DNAH14: variants seen among roughly 807,000 people sequenced by gnomAD.
DNAH14 encodes the protein dynein axonemal heavy chain 14.
Under a neutral mutation model 520.9 loss-of-function variants are expected in DNAH14, and 478 were observed. The ratio of observed to expected loss-of-function variants is 0.92; its 90% CI spans 0.85 to 0.99. The LOEUF (loss-of-function observed/expected upper bound fraction) is 0.99. Ranked by LOEUF, DNAH14 falls within the 50% of genes least tolerant of loss-of-function variation. DNAH14 has a pLI of 0.00. For synonymous variants in DNAH14, 1,581 were observed against 1,757.2 expected (o/e 0.90, Z 2.51); for missense variants, 4,831 against 5,234.5 (o/e 0.92, Z 2.38).
In DNAH14 at chr1:224,953,129, C is replaced by CTTTTTTTT. The variant is rs56337123; in HGVS notation, c.77+354_77+361dup. Reference sequence around the variant, plus strand: ...TAGGTACATTAGATACATAGAAATACTTTTTTTTTTTGAAACAGAGTCTCA... The same window carrying CTTTTTTTT: ...TAGGTACATTAGATACATAGAAATACTTTTTTTTTTTTTTTTTTTGAAACAGAGTCTCA... On this transcript the variant is annotated intron_variant, in intron 2 of 85. Transcript: ENST00000682510. The CTTTTTTTT allele has an allele frequency of 8.4e-4, 127 of 151,476 alleles. 1 individual carries two copies. Among genetic ancestry groups the CTTTTTTTT allele is most frequent in the African/African-American group, 2.9e-3 (111 of 38,626 alleles). The allele number at this position is 151,476 out of a possible 1,614,324, so 9.4% of individuals were successfully genotyped here. A position where few individuals can be genotyped will look rare whatever the true frequency, so the allele number is the denominator to read the frequency against.
intron 36 of DNAH14, among the ~76,000 whole-genome samples, chr1:225,183,684 C>CAA (rs35980443): frequency 5.2e-5 from 5 of 96,092 alleles, no homozygotes; most frequent in South Asian, 3.0e-4. Context: ...GGTAGATTAA[C>CAA]AAAAAAAAAA....
At chr1:225,134,473 A>G (rs751782797) in intron 27 of DNAH14, among the ~76,000 whole-genome samples, 1 of 152,112 alleles carries the variant, frequency 6.6e-6, no homozygotes, top group African/African-American at 2.4e-5. Flanking sequence ...TTCTGTATCT[A>G]TTGAGATAAC....
At chr1:224,976,342 T>G (rs914582797) in intron 8 of DNAH14, among the ~76,000 whole-genome samples, 2 of 152,142 alleles carry the variant, frequency 1.3e-5, no homozygotes, top group Non-Finnish European at 2.9e-5. Flanking sequence ...AGTCTCCCAT[T>G]ATTATTGTGT....
At chr1:225,368,588 A>G (rs1183066228) in intron 77 of DNAH14, among the ~76,000 whole-genome samples, 1 of 152,166 alleles carries the variant, frequency 6.6e-6, no homozygotes, top group Non-Finnish European at 1.5e-5. Context: ...GCTAAATTAA[A>G]CACGTGGTAG....
At chr1:224,991,592 C>T (rs967644118) in intron 8 of DNAH14, among the ~76,000 whole-genome samples, 2 of 152,116 alleles carry the variant, frequency 1.3e-5, no homozygotes, top group African/African-American at 2.4e-5. Flanking sequence ...TCTCCTGCCT[C>T]AGCCGCCTGA....
chr1:224,957,537 C>T (rs1190887779), intron 3 of DNAH14, among the ~76,000 whole-genome samples: 1 of 151,944 alleles, frequency 6.6e-6, no homozygotes, highest in African/African-American at 2.4e-5. Context: ...GTAGCAATTA[C>T]GAGCCAGGAA....
At chr1:225,259,359 G>A (rs1003594775) in intron 46 of DNAH14, 106 bp downstream of exon 46, 1 of 824,446 alleles carries the variant, frequency 1.2e-6, no homozygotes, top group South Asian at 3.9e-5. Context: ...ATGTAAAAAT[G>A]CAGAATCATT....
chr1:225,367,606 T>C (rs1381583794), intron 76 of DNAH14, among the ~76,000 whole-genome samples, 199 bp from the exon 77 acceptor site: 3 of 152,206 alleles, frequency 2.0e-5, no homozygotes, highest in Non-Finnish European at 4.4e-5. Context: ...ATCGGAACAA[T>C]AGAAAATCTG....
At chr1:225,336,010 CG>C (rs2095035882) in intron 66 of DNAH14, among the ~76,000 whole-genome samples, 1 of 80,306 alleles carries the variant, frequency 1.2e-5, no homozygotes, top group African/African-American at 5.7e-5. Context: ...TATATGTATA[CG>C]CATATATGCA....
At chr1:225,398,747 C>A (rs2096059955) in intron 85 of DNAH14, 81 bp downstream of exon 85, 1 of 1,479,832 alleles carries the variant, frequency 6.8e-7, no homozygotes, top group Non-Finnish European at 9.0e-7. Flanking sequence ...TATTCCCATT[C>A]CCTACAATTT....
intron 41 of DNAH14, among the ~76,000 whole-genome samples, chr1:225,215,912 T>C (rs2089244474): frequency 6.6e-6 from 1 of 152,206 alleles, no homozygotes; most frequent in South Asian, 2.1e-4. Flanking sequence ...ATTAATATTG[T>C]TATGTGTGAA....
intron 10 of DNAH14, among the ~76,000 whole-genome samples, chr1:225,011,524 T>C (rs2147904349): frequency 6.6e-6 from 1 of 152,262 alleles, no homozygotes; most frequent in Non-Finnish European, 1.5e-5. Flanking sequence ...CTGTTGACAG[T>C]GAGGTGTTAA....
At chr1:225,040,495 C>T (rs1189421443) in intron 12 of DNAH14, among the ~76,000 whole-genome samples, 2 of 151,938 alleles carry the variant, frequency 1.3e-5, no homozygotes, top group African/African-American at 2.4e-5. Flanking sequence ...ATTAAGTATA[C>T]GATACCTGCA....
At chr1:224,999,166 A>G (rs2063583601) in intron 8 of DNAH14, among the ~76,000 whole-genome samples, 1 of 151,926 alleles carries the variant, frequency 6.6e-6, no homozygotes, top group Admixed American at 6.6e-5. Flanking sequence ...TTTCTTACAG[A>G]CAGCATATAG....
chr1:225,043,844 T>C (rs958682018), intron 14 of DNAH14, 42 bp from the exon 15 acceptor site: 3 of 1,466,644 alleles, frequency 2.0e-6, no homozygotes, highest in African/African-American at 2.8e-5. Context: ...ATGGTAGTTA[T>C]TATATTCCTC....
In DNAH14 at chr1:225,185,394, T is replaced by A. The variant is rs2084567750; in HGVS notation, c.5639T>A (p.Leu1880Ter). ...ACGCTATTACCAATTGCAGACTTCT[T>A]ATCAGTTGCAGAAAGAAAATCTGCT... ...ALTLLPIADF[L>*]SVAERKSASK... The change falls in exon 37 of 86, where the codon TTA (leucine) becomes TAA (stop). Residue 1880 changes from leucine to a stop codon, truncating the protein, a stop_gained. Coordinates refer to ENST00000682510, the MANE Select transcript of DNAH14 (RefSeq NM_001367479.1). LOFTEE classifies it high-confidence loss of function. 1.3e-6 allele frequency: 2 copies of A among 1,538,966 alleles called. No homozygotes were observed. Among genetic ancestry groups the A allele is most frequent in the Non-Finnish European group, 1.8e-6 (2 of 1,142,638 alleles).
rs2068532424 is a variant in DNAH14, at chr1:225,051,485, T to C, written c.2114T>C (p.Met705Thr). The part of the protein sequence containing the change: ...VNLLTIIGNS[M>T]GLVNAYSHKF... ...CTCCTGACTATTATTGGTAATTCAA[T>C]GGGCCTAGTTAATGCTTACAGCCAC... The change falls in exon 17 of 86, where the codon ATG becomes ACG. Residue 705 changes from methionine (M) to threonine (T), a missense_variant. Coordinates refer to ENST00000682510, the MANE Select transcript of DNAH14 (RefSeq NM_001367479.1). The C allele has an allele frequency of 6.6e-7, 1 of 1,524,302 alleles. No individual in the cohort carries two copies. The highest frequency in any genetic ancestry group is 8.8e-7 in the Non-Finnish European group (1 of 1,135,906). 94.4% of individuals were successfully genotyped at this position (1,524,302 alleles called of 1,614,324 possible).
intron 27 of DNAH14, among the ~76,000 whole-genome samples, chr1:225,132,367 C>T (rs1200072538): frequency 6.6e-6 from 1 of 151,794 alleles, no homozygotes; most frequent in Non-Finnish European, 1.5e-5. Flanking sequence ...CTCCCTCTGC[C>T]CCCACAACAG....
At chr1:225,094,343 T>C (rs1245241773) in intron 21 of DNAH14, among the ~76,000 whole-genome samples, 1 of 152,122 alleles carries the variant, frequency 6.6e-6, no homozygotes, top group Non-Finnish European at 1.5e-5. Flanking sequence ...GACCATCTGA[T>C]CTTTGACAAA....
Sources: gnomAD v4.1 joint callset for allele counts (sites outside exome capture counted in the v4.1 genomes callset) on GRCh38, gnomAD v4.1.1 for gene constraint, MANE v1.5 for transcripts, NCBI Gene and HGNC (gene_info 2026-07-23, HGNC 2026-07-21) for gene names.